MESP1: variants seen among roughly 807,000 people sequenced by gnomAD.
The protein encoded by MESP1 is mesoderm posterior bHLH transcription factor 1.
MESP1 carries 22 observed loss-of-function variants against 15.2 expected under a neutral mutation model. The observed-to-expected ratio is 1.45, with a 90% confidence interval of 1.04 to 2.07. The LOEUF (loss-of-function observed/expected upper bound fraction) is 2.07, where lower values mean the gene tolerates loss of function less well. Ranked by LOEUF, MESP1 falls within the 30% of genes most tolerant of loss-of-function variation. The pLI is 0.00. For synonymous variants in MESP1, 216 were observed against 192.6 expected (o/e 1.12, Z -1.01); for missense variants, 484 against 411.9 (o/e 1.17, Z -1.51).
At chr15:89,736,742 G>A in the MESP1 span, among the ~76,000 whole-genome samples, 2 of 152,080 alleles carry the variant, frequency 1.3e-5, no homozygotes, top group East Asian at 1.9e-4. Flanking sequence ...CTCTTGTGTG[G>A]GGAGGGGAAA....
At chr15:89,743,519 C>T in the MESP1 span, 1 of 808,540 alleles carries the variant, frequency 1.2e-6, no homozygotes, top group East Asian at 2.7e-5. Flanking sequence ...AGTCTGGGGC[C>T]TCTGCAGAGC....
chr15:89,750,340 C>T, intron 1 of MESP1, 113 bp from the exon 2 acceptor site: 1 of 1,526,598 alleles, frequency 6.6e-7, no homozygotes, highest in Admixed American at 1.9e-5. Flanking sequence ...ACCCAGTCCT[C>T]TGCGTGGCCT....
Position 89,751,083 on chromosome 15 carries a change from C to A in MESP1, c.149G>T (p.Ser50Ile). ...PDSWGSTPAD[S>I]PVASPARPGT... Reference sequence around the variant, plus strand: ...TGGCCGCGCGGGGCTCGCCACGGGGCTGTCGGCTGGGGTGCTGCCCCATGA... The same window carrying A: ...TGGCCGCGCGGGGCTCGCCACGGGGATGTCGGCTGGGGTGCTGCCCCATGA... Residue 50 changes from serine to isoleucine, a missense_variant, in exon 1 of 2, where the codon AGC becomes ATC. Coordinates refer to ENST00000300057, the MANE Select transcript of MESP1 (RefSeq NM_018670.4). 7.5e-7 allele frequency: 1 copy of A among 1,324,658 alleles called. No homozygotes were observed. The highest frequency in any genetic ancestry group is 3.7e-5 in the Admixed American group (1 of 26,690). 82.1% of individuals were successfully genotyped at this position (1,324,658 alleles called of 1,614,324 possible).
chr15:89,733,342 G>C, the MESP1 span: 2 of 903,366 alleles, frequency 2.2e-6, no homozygotes, highest in African/African-American at 3.4e-5. Context: ...TCACTCTCCT[G>C]GTGAGCTTCT....
chr15:89,734,015 G>A, the MESP1 span, among the ~76,000 whole-genome samples: 15 of 144,852 alleles, frequency 1.0e-4, no homozygotes, highest in Middle Eastern at 3.4e-3. Flanking sequence ...GTGTGTGTGC[G>A]CGCGCGCATG....
At chr15:89,748,365 C>T (rs1596145057), downstream of MESP1, among the ~76,000 whole-genome samples, 1 of 152,134 alleles carries the variant, frequency 6.6e-6, no homozygotes, top group South Asian at 2.1e-4. Context: ...TGTGGCCAAG[C>T]GCCAGGCCGG....
the MESP1 span, chr15:89,732,878 G>A: frequency 1.4e-4 from 112 of 792,864 alleles, 2 homozygotes; most frequent in South Asian, 1.7e-3. Flanking sequence ...CTCTCACAGG[G>A]TGCTCATTGC....
chr15:89,750,737 C>T lies in MESP1; in HGVS notation c.495G>A (p.Leu165=). ...GDAGSPRGCP[L]CPDDCPAQMQ... is the part of the protein sequence containing the mutation. ...TCTGCGCGGGGCAGTCGTCGGGGCACAGCGGGCAGCCCCGAGGGGACCCCG... is the reference window on the plus strand; with the variant it reads ...TCTGCGCGGGGCAGTCGTCGGGGCATAGCGGGCAGCCCCGAGGGGACCCCG... The change falls in exon 1 of 2, where the codon CTG becomes CTA. Residue 165 remains leucine, a synonymous_variant. Coordinates refer to ENST00000300057, the MANE Select transcript of MESP1 (RefSeq NM_018670.4). The T allele has an allele frequency of 2.8e-6, 4 of 1,430,108 alleles. No homozygotes were observed. The highest frequency in any genetic ancestry group is 2.7e-6 in the Non-Finnish European group (3 of 1,096,020). The allele number at this position is 1,430,108 out of a possible 1,614,324, so 88.6% of individuals were successfully genotyped here. A position where few individuals can be genotyped will look rare whatever the true frequency, so the allele number is the denominator to read the frequency against.
At chr15:89,750,294 T>G (rs775561033) in intron 1 of MESP1, 67 bp from the exon 2 acceptor site, 1 of 1,591,512 alleles carries the variant, frequency 6.3e-7, no homozygotes, top group Admixed American at 1.7e-5. Context: ...TCCGCGCTCG[T>G]GGGCTCCACT....
chr15:89,735,215 C>A, the MESP1 span, among the ~76,000 whole-genome samples: 1 of 152,156 alleles, frequency 6.6e-6, no homozygotes, highest in Non-Finnish European at 1.5e-5. Flanking sequence ...TCTTGCTTTG[C>A]AACATTGTTC....
chr15:89,750,702 C>G lies in MESP1; in HGVS notation c.530G>C (p.Arg177Pro). Residue 177 changes from arginine to proline, a missense_variant, in exon 1 of 2, where the codon CGG becomes CCG. Arg to Pro is a moderately radical substitution (Grantham distance 103). Coordinates refer to ENST00000300057, the MANE Select transcript of MESP1 (RefSeq NM_018670.4). Reference protein sequence around the residue: ...PDDCPAQMQTRTQAEGQGQGR... With the variant: ...PDDCPAQMQTPTQAEGQGQGR... ...CTGCCCCTGCCCCTCAGCCTGCGTC[C>G]GTGTCTGCATCTGCGCGGGGCAGTC... 7.3e-7 allele frequency: 1 copy of G among 1,377,034 alleles called. No individual in the cohort carries two copies. The highest frequency in any genetic ancestry group is 9.3e-7 in the Non-Finnish European group (1 of 1,070,202). The allele number at this position is 1,377,034 out of a possible 1,614,324, so 85.3% of individuals were successfully genotyped here.
At chr15:89,740,394 C>T in the MESP1 span, among the ~76,000 whole-genome samples, 4 of 152,304 alleles carry the variant, frequency 2.6e-5, no homozygotes, top group Non-Finnish European at 5.9e-5. Context: ...TCTCATGAGT[C>T]TCTGGGGAGA....
At chr15:89,733,993 A>ATG in the MESP1 span, among the ~76,000 whole-genome samples, 5,278 of 149,272 alleles carry the variant, frequency 0.035, 139 homozygotes, top group African/African-American at 0.073. Context: ...AACCTGTATA[A>ATG]TGTGTGTGTG....
At chr15:89,747,916 T>TGGGATGGGGCTGCCC (rs1567139829), downstream of MESP1, among the ~76,000 whole-genome samples, 1 of 152,036 alleles carries the variant, frequency 6.6e-6, no homozygotes. Flanking sequence ...CCTCCGGGTG[T>TGGGATGGGGCTGCCC]GGGATGGGGC....
intron 1 of MESP1, 104 bp from the exon 2 acceptor site, chr15:89,750,331 C>A: frequency 1.9e-6 from 3 of 1,547,118 alleles, no homozygotes; most frequent in Non-Finnish European, 1.8e-6. Flanking sequence ...CGAGGGGAGA[C>A]CCAGTCCTCT....
chr15:89,739,750 T>G, the MESP1 span, among the ~76,000 whole-genome samples: 1 of 152,212 alleles, frequency 6.6e-6, no homozygotes, highest in African/African-American at 2.4e-5. Flanking sequence ...GATGTTCCTA[T>G]GTATGTAACG....
Position 89,750,190 on chromosome 15 carries a change from C to T in MESP1, c.761G>A (p.Trp254Ter), listed in dbSNP as rs1404244358. 67 of 1,613,958 alleles carry T rather than the reference C, an allele frequency of 4.2e-5. No individual in the cohort carries two copies. The highest frequency in any genetic ancestry group is 5.7e-5 in the Non-Finnish European group (67 of 1,180,024). Residue 254 changes from tryptophan to a stop codon, truncating the protein, a stop_gained, in exon 2 of 2, where the codon TGG (tryptophan) becomes TAG (stop). Transcript: ENST00000300057. LOFTEE classifies it high-confidence loss of function. ...PGDVLALLET[W>*]MPLSPLEWLP... The stretch of plus-strand genomic sequence containing the variant: ...CCACTCCAGAGGCGAGAGGGGCATC[C>T]AGGTCTCCAACAGAGCCAGCACGTC...
chr15:89,739,115 C>CAAAGAAA, the MESP1 span, among the ~76,000 whole-genome samples: 1 of 127,212 alleles, frequency 7.9e-6, no homozygotes, highest in African/African-American at 2.8e-5. Context: ...GACCCTGCCT[C>CAAAGAAA]AAAAAAAAAA....
chr15:89,746,459 C>CCA (rs369248261), downstream of MESP1, among the ~76,000 whole-genome samples: 9 of 149,654 alleles, frequency 6.0e-5, no homozygotes, highest in East Asian at 7.8e-4. Flanking sequence ...ATCCACACCT[C>CCA]CACACACACA....
Sources: allele counts gnomAD v4.1 joint callset (sites outside exome capture counted in the v4.1 genomes callset), GRCh38; gene constraint gnomAD v4.1.1; transcripts MANE v1.5; gene names NCBI Gene and HGNC (gene_info 2026-07-23, HGNC 2026-07-21).